IL17RA: variants seen among roughly 807,000 people sequenced by gnomAD.
IL17RA encodes interleukin-17 receptor A.
In IL17RA, 34 loss-of-function variants were observed where a neutral mutation model predicts 50.4. The observed-to-expected ratio is 0.67, with a 90% CI of 0.51 to 0.90. The LOEUF is 0.90. IL17RA is among the 40% of genes least tolerant of loss of function. IL17RA has a pLI of 0.00. For missense variants in IL17RA, 1,276 were observed against 1,169.8 expected (o/e 1.09, Z -1.32); for synonymous variants, 585 against 510.4 (o/e 1.15, Z -1.97).
intron 1 of IL17RA, among the ~76,000 whole-genome samples, chr22:17,089,921 G>A (rs1449318906): frequency 6.7e-6 from 1 of 149,918 alleles, no homozygotes; most frequent in Non-Finnish European, 1.5e-5. Flanking sequence ...ATGACTATTG[G>A]AGAGGAATTT....
At chr22:17,097,369 G>A (rs2061372047) in intron 2 of IL17RA, 1 of 534,648 alleles carries the variant, frequency 1.9e-6, no homozygotes, top group African/African-American at 1.9e-5. Flanking sequence ...AATTTGATTT[G>A]CCACAGCTTG....
In IL17RA at chr22:17,108,384, C is replaced by T. The variant is rs776885778; in HGVS notation, c.1165C>T (p.Pro389Ser). ...KVWIIYSADH[P>S]LYVDVVLKFA... is the part of the protein sequence containing the mutation. Reference sequence around the variant, plus strand: ...CTGGATCATCTACTCAGCCGACCACCCCCTCTACGTGGACGTGGTCCTGAA... The same window carrying T: ...CTGGATCATCTACTCAGCCGACCACTCCCTCTACGTGGACGTGGTCCTGAA... Residue 389 changes from proline to serine, a missense_variant, in exon 13 of 13, where the codon CCC becomes TCC. Transcript: ENST00000319363. 8.7e-6 allele frequency: 14 copies of T among 1,614,058 alleles called. No homozygotes were observed. The highest frequency in any genetic ancestry group is 1.6e-4 in the Middle Eastern group (1 of 6,062).
chr22:17,087,683 G>A (rs867604538), intron 1 of IL17RA, among the ~76,000 whole-genome samples: 14 of 152,182 alleles, frequency 9.2e-5, no homozygotes, highest in Non-Finnish European at 8.8e-5. Context: ...ATCATTACAC[G>A]AGAAACCATC....
At chr22:17,097,744 A>G (rs895091670) in intron 2 of IL17RA, 53 bp from the exon 3 acceptor site, 92 of 1,610,654 alleles carry the variant, frequency 5.7e-5, no homozygotes, top group Admixed American at 1.3e-4. Context: ...CTGCTGGGGC[A>G]TCTCAGGGTC....
chr22:17,108,879 T>A lies in IL17RA; in HGVS notation c.1660T>A (p.Ser554Thr). The change falls in exon 13 of 13, where the codon TCG becomes ACG. Residue 554 changes from serine (S) to threonine (T), a missense_variant. By Grantham distance (58) the Ser-to-Thr change is moderately conservative. Coordinates refer to ENST00000319363, the MANE Select transcript of IL17RA (RefSeq NM_014339.7). The stretch of plus-strand genomic sequence containing the variant: ...CCGCATGCACCGCGTAGGGGAGCTG[T>A]CGGGGGACAACTACCTGCGGAGCCC... ...PGRMHRVGEL[S>T]GDNYLRSPGG... The A allele has an allele frequency of 6.2e-7, 1 of 1,610,778 alleles. No individual in the cohort carries two copies. The highest frequency in any genetic ancestry group is 8.5e-7 in the Non-Finnish European group (1 of 1,178,898).
At chr22:17,089,891 T>G in intron 1 of IL17RA, among the ~76,000 whole-genome samples, 1 of 148,746 alleles carries the variant, frequency 6.7e-6, no homozygotes, top group African/African-American at 2.5e-5. Flanking sequence ...AAAAAACGAA[T>G]GAGAGGTTTG....
intron 5 of IL17RA, 26 bp downstream of exon 5, chr22:17,100,507 C>T: frequency 1.2e-6 from 2 of 1,612,940 alleles, no homozygotes; most frequent in Non-Finnish European, 1.7e-6. Flanking sequence ...CAAGACATTC[C>T]CTCCCCAATG....
At chr22:17,103,015 G>T (rs1220213656) in intron 7 of IL17RA, among the ~76,000 whole-genome samples, 1 of 152,062 alleles carries the variant, frequency 6.6e-6, no homozygotes, top group Non-Finnish European at 1.5e-5. Context: ...GCTGGCACAC[G>T]CCTGTAATCC....
chr22:17,100,795 G>A (rs1344339026), intron 5 of IL17RA, among the ~76,000 whole-genome samples: 1 of 152,118 alleles, frequency 6.6e-6, no homozygotes, highest in African/African-American at 2.4e-5. Context: ...TAGCATAAAG[G>A]CAAGCCACAA....
intron 7 of IL17RA, among the ~76,000 whole-genome samples, chr22:17,102,660 G>A (rs2061396121): frequency 1.3e-5 from 2 of 152,080 alleles, no homozygotes; most frequent in African/African-American, 4.8e-5. Flanking sequence ...AAGGAAATAA[G>A]GCCAGGTGCA....
chr22:17,096,932 T>C, intron 1 of IL17RA, 130 bp from the exon 2 acceptor site: 1 of 826,942 alleles, frequency 1.2e-6, no homozygotes, highest in Non-Finnish European at 2.1e-6. Flanking sequence ...CTCATCCTAT[T>C]CCCCAAAAAG....
At position 17,109,664 on chromosome 22, in the gene IL17RA, G is replaced by A. The variant is rs1260164766; in HGVS notation, c.2445G>A (p.Glu815=). ...PEGLTEMEEE[E]EEEQDPGKPA... is the part of the protein sequence containing the mutation. ...GACTCACGGAAATGGAGGAAGAGGA[G>A]GAAGAGGAGCAGGACCCAGGGAAGC... The change falls in exon 13 of 13, where the codon GAG becomes GAA. Residue 815 remains glutamate, a synonymous_variant. Coordinates refer to ENST00000319363, the MANE Select transcript of IL17RA (RefSeq NM_014339.7). 1.9e-6 allele frequency: 3 copies of A among 1,604,694 alleles called. No homozygotes were observed. The highest frequency in any genetic ancestry group is 2.5e-6 in the Non-Finnish European group (3 of 1,176,512).
At chr22:17,100,813 G>C (rs544259876) in intron 5 of IL17RA, among the ~76,000 whole-genome samples, 2 of 152,136 alleles carry the variant, frequency 1.3e-5, no homozygotes, top group Admixed American at 1.3e-4. Context: ...CAAGCCACTC[G>C]TGGGGAAGTT....
chr22:17,096,176 T>C (rs13340086), intron 1 of IL17RA, among the ~76,000 whole-genome samples: 3,288 of 152,238 alleles, frequency 0.022, 127 homozygotes, highest in African/African-American at 0.075. Flanking sequence ...CTGGTAGCAT[T>C]TGTCACTAGG....
In IL17RA at chr22:17,111,421, G is replaced by A. The variant is rs1419394381; in HGVS notation, c.*1601G>A. On this transcript the variant is annotated 3_prime_UTR_variant, in exon 13 of 13. Transcript: ENST00000319363. ...CAAGGAAATGAGGGGTGGTGGGTCA[G>A]TGAAGATCTGGGCAGACCTTGTGTG... 6.6e-6 allele frequency: 1 copy of A among 152,234 alleles called. No individual in the cohort carries two copies. The highest frequency in any genetic ancestry group is 1.5e-5 in the Non-Finnish European group (1 of 68,060). 9.4% of individuals were successfully genotyped at this position (152,234 alleles called of 1,614,324 possible). A position where few individuals can be genotyped will look rare whatever the true frequency, so the allele number is the denominator to read the frequency against.
rs1377874698 is a variant in IL17RA, at chr22:17,112,989, G to T, written c.*3169G>T. On this transcript the variant is annotated 3_prime_UTR_variant, in exon 13 of 13. Transcript: ENST00000319363. ...TTTCCTGCCTACTATCTTGATCCTA[G>T]TTTTTTTTTTGTTTTTTTTTTTTTT... 1.4e-5 allele frequency: 2 copies of T among 144,898 alleles called. No homozygotes were observed. The highest frequency in any genetic ancestry group is 2.2e-4 in the South Asian group (1 of 4,588). The allele number at this position is 144,898 out of a possible 1,614,324, so 9.0% of individuals were successfully genotyped here. A position where few individuals can be genotyped will look rare whatever the true frequency, so the allele number is the denominator to read the frequency against.
Position 17,098,749 on chromosome 22 carries a change from T to G in IL17RA, c.311-26T>G, listed in dbSNP as rs540956516. The G allele has an allele frequency of 7.6e-6, 12 of 1,588,738 alleles. No homozygotes were observed. The East Asian group carries it at 2.5e-4, about 33-fold the overall frequency. On this transcript the variant is annotated intron_variant, in intron 3 of 12. Transcript: ENST00000319363. ...TTGTCTTGGCTGATCTGCATCTGTT[T>G]GTCTTCTCTTCTCCCTCTCCTGCAG...
In IL17RA at chr22:17,112,064, C is replaced by G. The variant is rs1392282198; in HGVS notation, c.*2244C>G. The stretch of plus-strand genomic sequence containing the variant: ...GGCTTCGTTGGGTCTGGACACCTAC[C>G]ATGCATTCTGTGACCTTTCCCTAGC... On this transcript the variant is annotated 3_prime_UTR_variant, in exon 13 of 13. Transcript: ENST00000319363. 6.6e-6 allele frequency: 1 copy of G among 152,182 alleles called. No individual in the cohort carries two copies. The highest frequency in any genetic ancestry group is 2.4e-5 in the African/African-American group (1 of 41,414). The allele number at this position is 152,182 out of a possible 1,614,324, so 9.4% of individuals were successfully genotyped here. A position where few individuals can be genotyped will look rare whatever the true frequency, so the allele number is the denominator to read the frequency against.
chr22:17,110,271 G>T lies in IL17RA; in HGVS notation c.*451G>T. The T allele has an allele frequency of 4.0e-6, 1 of 250,890 alleles. No individual in the cohort carries two copies. Among genetic ancestry groups the T allele is most frequent in the East Asian group, 1.1e-4 (1 of 8,752 alleles). The allele number at this position is 250,890 out of a possible 1,614,324, so 15.5% of individuals were successfully genotyped here. A position where few individuals can be genotyped will look rare whatever the true frequency, so the allele number is the denominator to read the frequency against. The stretch of plus-strand genomic sequence containing the variant: ...CCAGCACACTGGGAGGCCGAGGCAG[G>T]TGGATCACTCTGAGGTCAGGAGTTT... On this transcript the variant is annotated 3_prime_UTR_variant, in exon 13 of 13. Coordinates refer to ENST00000319363, the MANE Select transcript of IL17RA (RefSeq NM_014339.7).
Sources: allele counts gnomAD v4.1 joint callset (sites outside exome capture counted in the v4.1 genomes callset), GRCh38; gene constraint gnomAD v4.1.1; transcripts MANE v1.5; gene names NCBI Gene and HGNC (gene_info 2026-07-23, HGNC 2026-07-21).